The following DTWD2 variants were observed in gnomAD, a reference collection of about 807,000 sequenced individuals.
DTWD2 encodes DTW motif tRNA-uridine aminocarboxypropyltransferase 2.
Under a neutral mutation model 31.8 loss-of-function variants are expected in DTWD2, and 39 were observed. The ratio of observed to expected loss-of-function variants is 1.22; its 90% CI spans 0.95 to 1.60. DTWD2 has a LOEUF of 1.60. Among genes scored for constraint, DTWD2 ranks in the 40% most tolerant of loss-of-function variants. The pLI is 0.00. For synonymous variants in DTWD2, 180 were observed against 142.8 expected, an observed-to-expected ratio of 1.26 and a Z score of -1.86; for missense variants, 515 against 381.5, an observed-to-expected ratio of 1.35 and a Z score of -2.92.
At chr5:118,851,142 C>G (rs2112679726) in intron 4 of DTWD2, among the ~76,000 whole-genome samples, 1 of 148,396 alleles carries the variant, frequency 6.7e-6, no homozygotes, top group Non-Finnish European at 1.5e-5. Context: ...TCACTTGAAC[C>G]TGAGAGGCAG....
At chr5:118,946,596 C>G (rs1754343602) in intron 1 of DTWD2, among the ~76,000 whole-genome samples, 1 of 152,102 alleles carries the variant, frequency 6.6e-6, no homozygotes, top group Admixed American at 6.5e-5. Flanking sequence ...CATAACCAGG[C>G]AAATTTAAAT....
chr5:118,932,681 A>C (rs1753954029), intron 3 of DTWD2, among the ~76,000 whole-genome samples: 1 of 152,224 alleles, frequency 6.6e-6, no homozygotes, highest in African/African-American at 2.4e-5. Context: ...AAGAGATGGC[A>C]GGGGCACACC....
chr5:118,864,220 G>C (rs1752331222), intron 4 of DTWD2, among the ~76,000 whole-genome samples: 1 of 149,238 alleles, frequency 6.7e-6, no homozygotes, highest in Non-Finnish European at 1.5e-5. Context: ...ATGAGTTCAT[G>C]TCCTTTGTAG....
chr5:118,948,236 G>A (rs1182254405), intron 1 of DTWD2, among the ~76,000 whole-genome samples: 1 of 152,150 alleles, frequency 6.6e-6, no homozygotes, highest in Non-Finnish European at 1.5e-5. Context: ...AGCACTTTGG[G>A]AGGCCGAGGC....
intron 3 of DTWD2, among the ~76,000 whole-genome samples, chr5:118,933,195 ACCAGGC>A (rs1462019815): frequency 6.6e-6 from 1 of 152,164 alleles, no homozygotes; most frequent in Non-Finnish European, 1.5e-5. Flanking sequence ...AAAAGAAATC[ACCAGGC>A]CCAGGTGGTT....
At chr5:118,942,458 T>C (rs1434520336) in intron 2 of DTWD2, among the ~76,000 whole-genome samples, 1 of 151,888 alleles carries the variant, frequency 6.6e-6, no homozygotes, top group East Asian at 1.9e-4. Flanking sequence ...GAATGAATCA[T>C]CTAAACCATG....
Position 118,841,002 on chromosome 5 carries a change from T to C in DTWD2, c.812A>G (p.Lys271Arg). The change falls in exon 6 of 6, where the codon AAA becomes AGA. Residue 271 changes from lysine to arginine, a missense_variant. By Grantham distance (26) the Lys-to-Arg change is conservative. Coordinates refer to ENST00000510708, the MANE Select transcript of DTWD2 (RefSeq NM_173666.4). ...QIRLSKEHLL[K>R]NGLYPKPMPK... ...CATTGGTTTAGGATATAATCCATTT[T>C]TCAGAAGGTGTTCCTTGCTGAGGCG... 6.2e-7 allele frequency: 1 copy of C among 1,613,920 alleles called. No individual in the cohort carries two copies. Among genetic ancestry groups the C allele is most frequent in the Non-Finnish European group, 8.5e-7 (1 of 1,179,874 alleles).
At chr5:118,948,406 G>A (rs1428749910) in intron 1 of DTWD2, among the ~76,000 whole-genome samples, 8 of 152,138 alleles carry the variant, frequency 5.3e-5, no homozygotes, top group Non-Finnish European at 8.8e-5. Context: ...GCATGAACCC[G>A]GGAGGCGGAG....
At chr5:118,977,412 T>A (rs1442868169) in intron 1 of DTWD2, among the ~76,000 whole-genome samples, 1 of 152,212 alleles carries the variant, frequency 6.6e-6, no homozygotes, top group Non-Finnish European at 1.5e-5. Flanking sequence ...TGTTTGCAGA[T>A]GACATGATTG....
At chr5:118,951,652 A>C (rs1163023060) in intron 1 of DTWD2, among the ~76,000 whole-genome samples, 1 of 152,142 alleles carries the variant, frequency 6.6e-6, no homozygotes, top group Non-Finnish European at 1.5e-5. Context: ...GTGTGAGTTG[A>C]AGAGGTTTTA....
At chr5:118,851,862 A>T (rs941065050) in intron 4 of DTWD2, among the ~76,000 whole-genome samples, 4 of 151,994 alleles carry the variant, frequency 2.6e-5, no homozygotes, top group African/African-American at 9.7e-5. Context: ...AAGAAAAAAG[A>T]AAACAGGGTT....
chr5:118,919,948 G>C (rs1285508875), intron 4 of DTWD2, among the ~76,000 whole-genome samples: 1 of 151,874 alleles, frequency 6.6e-6, no homozygotes, highest in Non-Finnish European at 1.5e-5. Flanking sequence ...AGAAAACTAG[G>C]ATCCCCACCA....
Position 118,837,382 on chromosome 5 carries a change from T to C in DTWD2, c.*3535A>G, listed in dbSNP as rs1380854659. ...TCCATACCTATTTTAAAGAAATACA[T>C]CTACATAGTAAAATACAGTTTTGTA... On this transcript the variant is annotated 3_prime_UTR_variant, in exon 6 of 6. Coordinates refer to ENST00000510708, the MANE Select transcript of DTWD2 (RefSeq NM_173666.4). 4 of 152,204 alleles carry C rather than the reference T, an allele frequency of 2.6e-5. No individual in the cohort carries two copies. Among genetic ancestry groups the C allele is most frequent in the Admixed American group, 6.5e-5 (1 of 15,276 alleles). 9.4% of individuals were successfully genotyped at this position (152,204 alleles called of 1,614,324 possible).
chr5:118,844,317 T>C (rs920094008), intron 5 of DTWD2, among the ~76,000 whole-genome samples: 1 of 152,186 alleles, frequency 6.6e-6, no homozygotes, highest in Non-Finnish European at 1.5e-5. Context: ...AAAATTCCTA[T>C]GATAAAACTT....
At chr5:118,943,483 G>A (rs1026190377) in intron 2 of DTWD2, among the ~76,000 whole-genome samples, 2 of 151,880 alleles carry the variant, frequency 1.3e-5, no homozygotes, top group African/African-American at 2.4e-5. Context: ...CCTGGAAGGT[G>A]GAGCTTGCAG....
chr5:118,908,558 G>A (rs1753385988), intron 4 of DTWD2, among the ~76,000 whole-genome samples: 1 of 151,360 alleles, frequency 6.6e-6, no homozygotes, highest in Admixed American at 6.6e-5. Context: ...TAACAAATGA[G>A]TAAATTCAAA....
chr5:118,950,017 T>C (rs1419201604), intron 1 of DTWD2, among the ~76,000 whole-genome samples: 1 of 152,068 alleles, frequency 6.6e-6, no homozygotes, highest in Admixed American at 6.5e-5. Flanking sequence ...GAGACCATCC[T>C]GGCTAACATG....
At chr5:118,944,785 C>A (rs1754295621) in intron 1 of DTWD2, 136 bp from the exon 2 acceptor site, 2 of 727,238 alleles carry the variant, frequency 2.8e-6, no homozygotes, top group Non-Finnish European at 4.3e-6. Context: ...AATGAAATAC[C>A]AAGAATGAAT....
intron 4 of DTWD2, among the ~76,000 whole-genome samples, chr5:118,917,958 C>T (rs890635688): frequency 6.7e-6 from 1 of 150,294 alleles, no homozygotes; most frequent in African/African-American, 2.5e-5. Flanking sequence ...GGGCAAGACT[C>T]TCAAAAAAAA....
Sources: gnomAD v4.1 joint callset for allele counts (sites outside exome capture counted in the v4.1 genomes callset) on GRCh38, gnomAD v4.1.1 for gene constraint, MANE v1.5 for transcripts, NCBI Gene and HGNC (gene_info 2026-07-23, HGNC 2026-07-21) for gene names.